The following TSHZ1 variants were observed in gnomAD, a reference collection of about 807,000 sequenced individuals.
TSHZ1 encodes the protein teashirt homolog 1.
In TSHZ1, 12 loss-of-function variants were observed where a neutral mutation model predicts 67.1. That is an observed-to-expected ratio of 0.18 (90% CI 0.11 to 0.29). The LOEUF is 0.29. Ranked by LOEUF, TSHZ1 falls within the 10% of genes least tolerant of loss-of-function variation. The pLI is 1.00. For missense variants in TSHZ1, 1,305 were observed against 1,413.9 expected, an observed-to-expected ratio of 0.92 and a Z score of 1.23; for synonymous variants, 632 against 622.4, an observed-to-expected ratio of 1.02 and a Z score of -0.23.
At chr18:75,248,541 G>A (rs1031257566) in intron 1 of TSHZ1, among the ~76,000 whole-genome samples, 1 of 152,144 alleles carries the variant, frequency 6.6e-6, no homozygotes, top group African/African-American at 2.4e-5. Context: ...CACAAATATG[G>A]GGCTGAAAAT....
In TSHZ1 at chr18:75,211,909, C is replaced by A; in HGVS notation, c.33C>A (p.Arg11=). The part of the protein sequence containing the change: MPRRKQQAPR[R]SAAYVPEEEL... The stretch of plus-strand genomic sequence containing the variant: ...GGAGGAAGCAGCAGGCCCCCCGGCG[C>A]TCGGCAGGTAACGGGCGCGCGGCCC... Residue 11 remains arginine (R), a synonymous_variant, in exon 1 of 2, where the codon CGC becomes CGA. Transcript: ENST00000580243. 1 of 1,203,788 alleles carries A rather than the reference C, an allele frequency of 8.3e-7. No homozygotes were observed. 74.6% of individuals were successfully genotyped at this position (1,203,788 alleles called of 1,614,324 possible).
chr18:75,258,042 G>A (rs531569853), intron 1 of TSHZ1, among the ~76,000 whole-genome samples: 62 of 152,258 alleles, frequency 4.1e-4, no homozygotes, highest in African/African-American at 1.4e-3. Flanking sequence ...TCCTGGAGGC[G>A]GCCTCGACCT....
intron 1 of TSHZ1, among the ~76,000 whole-genome samples, chr18:75,261,417 A>C (rs1010236294): frequency 6.6e-6 from 1 of 152,204 alleles, no homozygotes; most frequent in Non-Finnish European, 1.5e-5. Context: ...GTCAGCTCAT[A>C]CTGGCACCTT....
chr18:75,211,410 G>C lies in TSHZ1; in HGVS notation c.-467G>C, dbSNP rs2022681599. ...GACCCCCAAACAGCGAGGAGAGAGG[G>C]GGAGAGAAAGTTGCGCTCGGCGACT... On this transcript the variant is annotated 5_prime_UTR_variant, in exon 1 of 2. Transcript: ENST00000580243. 1 of 151,852 alleles carries C rather than the reference G, an allele frequency of 6.6e-6. No homozygotes were observed. The highest frequency in any genetic ancestry group is 2.4e-5 in the African/African-American group (1 of 41,398). The allele number at this position is 151,852 out of a possible 1,614,324, so 9.4% of individuals were successfully genotyped here. A position where few individuals can be genotyped will look rare whatever the true frequency, so the allele number is the denominator to read the frequency against.
Position 75,287,261 on chromosome 18 carries a change from C to A in TSHZ1, c.1854C>A (p.Asn618Lys), listed in dbSNP as rs369108706. 2 of 1,613,860 alleles carry A rather than the reference C, an allele frequency of 1.2e-6. No homozygotes were observed. The highest frequency in any genetic ancestry group is 2.2e-5 in the East Asian group (1 of 44,852). The change falls in exon 2 of 2, where the codon AAC (asparagine) becomes AAA (lysine). Residue 618 changes from asparagine (N) to lysine (K), a missense_variant. Transcript: ENST00000580243. This position sits in a 1 kb window ranked among gnomAD's most constrained non-coding sequence, Gnocchi z 5.0. ...AGTCGCTGTCTTCCGCCGAGCACAA[C>A]GCCCTCCTGCACTCCCCAGGGAGCC... ...GVKSLSSAEH[N>K]ALLHSPGSLT...
At chr18:75,267,736 A>G (rs2023507143) in intron 1 of TSHZ1, among the ~76,000 whole-genome samples, 1 of 152,236 alleles carries the variant, frequency 6.6e-6, no homozygotes, top group African/African-American at 2.4e-5. Flanking sequence ...ATGCTTGAGT[A>G]TGAGAAAGAT....
At position 75,287,604 on chromosome 18, in the gene TSHZ1, A is replaced by G. The variant is rs2023795750; in HGVS notation, c.2197A>G (p.Ile733Val). ...CAACGGCTGTAACAACCTGGGGATC[A>G]TCATGGACCACTCACCGGAGCCTTC... ...VTNGCNNLGI[I>V]MDHSPEPSFI... Residue 733 changes from isoleucine (I) to valine (V), a missense_variant, in exon 2 of 2, where the codon ATC becomes GTC. Coordinates refer to ENST00000580243, the MANE Select transcript of TSHZ1 (RefSeq NM_001308210.2). This position sits in a 1 kb window ranked among gnomAD's most constrained non-coding sequence, Gnocchi z 5.0. 6.2e-7 allele frequency: 1 copy of G among 1,614,206 alleles called. No individual in the cohort carries two copies. Among genetic ancestry groups the G allele is most frequent in the East Asian group, 2.2e-5 (1 of 44,864 alleles).
intron 1 of TSHZ1, among the ~76,000 whole-genome samples, chr18:75,241,842 G>T (rs1292457364): frequency 1.3e-5 from 2 of 150,880 alleles, no homozygotes; most frequent in Non-Finnish European, 2.9e-5. Context: ...GCAGTCCTGG[G>T]TGTCCTTGGC....
At chr18:75,242,368 A>G (rs1186949776) in intron 1 of TSHZ1, among the ~76,000 whole-genome samples, 2 of 152,178 alleles carry the variant, frequency 1.3e-5, no homozygotes, top group Admixed American at 1.3e-4. Context: ...ACAGGCACTT[A>G]CTCAGCAGCT....
intron 1 of TSHZ1, among the ~76,000 whole-genome samples, chr18:75,222,491 C>G (rs566251560): frequency 6.6e-6 from 1 of 152,094 alleles, no homozygotes; most frequent in Non-Finnish European, 1.5e-5. Context: ...AACTCCTCCT[C>G]CTCTCTCTAC....
At position 75,211,904 on chromosome 18, in the gene TSHZ1, C is replaced by A. The variant is rs1239348751; in HGVS notation, c.28C>A (p.Arg10=). MPRRKQQAP[R]RSAAYVPEEE... The stretch of plus-strand genomic sequence containing the variant: ...GCCGAGGAGGAAGCAGCAGGCCCCC[C>A]GGCGCTCGGCAGGTAACGGGCGCGC... The change falls in exon 1 of 2, where the codon CGG becomes AGG. Residue 10 remains arginine, a synonymous_variant. Transcript: ENST00000580243. 4.2e-6 allele frequency: 5 copies of A among 1,202,082 alleles called. No individual in the cohort carries two copies. The highest frequency in any genetic ancestry group is 5.2e-6 in the Non-Finnish European group (5 of 968,960). The allele number at this position is 1,202,082 out of a possible 1,614,324, so 74.5% of individuals were successfully genotyped here. A position where few individuals can be genotyped will look rare whatever the true frequency, so the allele number is the denominator to read the frequency against.
Position 75,285,876 on chromosome 18 carries a change from A to ACCCCCCCC in TSHZ1, c.474_475insCCCCCCCC (p.Thr159ProfsTer106). On this transcript the variant is annotated frameshift_variant, in exon 2 of 2. Coordinates refer to ENST00000580243, the MANE Select transcript of TSHZ1 (RefSeq NM_001308210.2). LOFTEE classifies it high-confidence loss of function. The stretch of plus-strand genomic sequence containing the variant: ...CAGCCAGAAGGAGAGCTCCGCCCCC[A>ACCCCCCCC]CCCCCACACCCCCCACCTGCCCCGT... 6.0e-6 allele frequency: 3 copies of ACCCCCCCC among 496,202 alleles called. No individual in the cohort carries two copies. The highest frequency in any genetic ancestry group is 5.5e-6 in the Non-Finnish European group (2 of 363,844). 30.7% of individuals were successfully genotyped at this position (496,202 alleles called of 1,614,324 possible). A position where few individuals can be genotyped will look rare whatever the true frequency, so the allele number is the denominator to read the frequency against.
At chr18:75,282,166 C>A (rs1046947412) in intron 1 of TSHZ1, among the ~76,000 whole-genome samples, 2 of 152,166 alleles carry the variant, frequency 1.3e-5, no homozygotes, top group African/African-American at 4.8e-5. Flanking sequence ...CATTGTAGCT[C>A]AGCCTAGGAA....
At chr18:75,280,710 G>T (rs1194621604) in intron 1 of TSHZ1, 2 of 978,592 alleles carry the variant, frequency 2.0e-6, no homozygotes, top group East Asian at 2.3e-4. Context: ...AGGGTTGTGA[G>T]ATTAAATGAA....
chr18:75,285,945 A>G lies in TSHZ1; in HGVS notation c.538A>G (p.Ser180Gly), dbSNP rs1474220621. The G allele has an allele frequency of 1.3e-6, 2 of 1,515,656 alleles. No individual in the cohort carries two copies. The highest frequency in any genetic ancestry group is 1.8e-6 in the Non-Finnish European group (2 of 1,129,880). 93.9% of individuals were successfully genotyped at this position (1,515,656 alleles called of 1,614,324 possible). ...PTTSTPSTSC[S>G]SSTSHSSTTS... ...CACGAGCACGCCCAGCACCAGCTGC[A>G]GCTCCAGCACCAGCCACAGCAGTAC... Residue 180 changes from serine to glycine, a missense_variant, in exon 2 of 2, where the codon AGC (serine) becomes GGC (glycine). Around this residue, in one of 3 missense-constraint regions of TSHZ1, gnomAD observed 358 missense variants for 375.6 expected, o/e 0.95. Coordinates refer to ENST00000580243, the MANE Select transcript of TSHZ1 (RefSeq NM_001308210.2).
chr18:75,237,874 G>A (rs538324316), intron 1 of TSHZ1, among the ~76,000 whole-genome samples: 29 of 151,970 alleles, frequency 1.9e-4, no homozygotes, highest in African/African-American at 5.8e-4. Context: ...GTGCAGTGGC[G>A]TGATCTCGCC....
intron 1 of TSHZ1, among the ~76,000 whole-genome samples, chr18:75,262,754 C>A (rs1450011127): frequency 6.6e-6 from 1 of 152,162 alleles, no homozygotes; most frequent in Non-Finnish European, 1.5e-5. Flanking sequence ...AGCGTCTTTC[C>A]TCTTCCTGTG....
At chr18:75,230,034 TTA>T (rs2022977735) in intron 1 of TSHZ1, among the ~76,000 whole-genome samples, 1 of 152,222 alleles carries the variant, frequency 6.6e-6, no homozygotes, top group Admixed American at 6.5e-5. Context: ...CTATTATGGT[TTA>T]TAGGTCTGTG....
At chr18:75,229,548 A>T (rs1372970210) in intron 1 of TSHZ1, among the ~76,000 whole-genome samples, 1 of 152,202 alleles carries the variant, frequency 6.6e-6, no homozygotes, top group East Asian at 1.9e-4. Context: ...AGAGTCCAGC[A>T]CGGTTCCTGG....
Sources: allele counts gnomAD v4.1 joint callset (sites outside exome capture counted in the v4.1 genomes callset), GRCh38; gene constraint gnomAD v4.1.1; regional missense constraint gnomAD v4.1.1; non-coding constraint Gnocchi (gnomAD v3.1); transcripts MANE v1.5; gene names NCBI Gene and HGNC (gene_info 2026-07-23, HGNC 2026-07-21).